The following SEPTIN14 variants were observed in gnomAD, a reference collection of about 807,000 sequenced individuals.
The protein encoded by SEPTIN14 is septin-14.
In SEPTIN14, 40 loss-of-function variants were observed where a neutral mutation model predicts 53.6. That is an observed-to-expected ratio of 0.75 (90% CI 0.58 to 0.97). The LOEUF (loss-of-function observed/expected upper bound fraction) is 0.97. SEPTIN14 is among the 50% of genes least tolerant of loss of function. SEPTIN14 has a pLI of 0.00. For synonymous variants in SEPTIN14, 138 were observed against 166.8 expected (o/e 0.83, Z 1.33); for missense variants, 471 against 508.2 (o/e 0.93, Z 0.70).
At chr7:55,805,678 A>C (rs1169010306) in intron 8 of SEPTIN14, among the ~76,000 whole-genome samples, 2 of 152,202 alleles carry the variant, frequency 1.3e-5, no homozygotes, top group Non-Finnish European at 2.9e-5. Flanking sequence ...AGATGTAAAA[A>C]CCAAGGCACA....
At chr7:55,797,587 C>A (rs1425729821) in intron 9 of SEPTIN14, among the ~76,000 whole-genome samples, 1 of 152,224 alleles carries the variant, frequency 6.6e-6, no homozygotes, top group African/African-American at 2.4e-5. Context: ...GAAGAAATAA[C>A]ATGTTTCCTC....
At chr7:55,811,705 G>T (rs922775649) in intron 7 of SEPTIN14, among the ~76,000 whole-genome samples, 6 of 151,454 alleles carry the variant, frequency 4.0e-5, no homozygotes, top group African/African-American at 1.2e-4. Context: ...CACCATGTTG[G>T]CCAGGCTGGT....
intron 7 of SEPTIN14, among the ~76,000 whole-genome samples, chr7:55,814,822 C>A (rs1788764544): frequency 6.6e-6 from 1 of 152,076 alleles, no homozygotes; most frequent in South Asian, 2.1e-4. Flanking sequence ...GTATATGGAA[C>A]CACAAAAATA....
intron 7 of SEPTIN14, among the ~76,000 whole-genome samples, chr7:55,810,273 G>C (rs1386375699): frequency 1.3e-5 from 2 of 151,798 alleles, no homozygotes; most frequent in East Asian, 3.9e-4. Flanking sequence ...AGAAATGCCT[G>C]TTCAGATCCT....
intron 5 of SEPTIN14, among the ~76,000 whole-genome samples, chr7:55,836,544 G>A (rs928598390): frequency 1.3e-5 from 2 of 152,150 alleles, no homozygotes; most frequent in African/African-American, 2.4e-5. Flanking sequence ...TTCAAGACCA[G>A]CCTGACCAAC....
intron 2 of SEPTIN14, among the ~76,000 whole-genome samples, chr7:55,853,623 C>A (rs750318212): frequency 6.6e-6 from 1 of 151,804 alleles, no homozygotes; most frequent in African/African-American, 2.4e-5. Flanking sequence ...CACAACAGGG[C>A]GACTATAGTC....
At chr7:55,841,621 T>C (rs1789313309) in intron 5 of SEPTIN14, among the ~76,000 whole-genome samples, 2 of 151,988 alleles carry the variant, frequency 1.3e-5, no homozygotes, top group Non-Finnish European at 2.9e-5. Flanking sequence ...TTTGAGAGGC[T>C]GAGGTGGGTG....
At chr7:55,811,953 A>G (rs985876654) in intron 7 of SEPTIN14, among the ~76,000 whole-genome samples, 1 of 151,796 alleles carries the variant, frequency 6.6e-6, no homozygotes, top group African/African-American at 2.4e-5. Flanking sequence ...GCCACCACAC[A>G]TGGCTAAGTT....
intron 9 of SEPTIN14, among the ~76,000 whole-genome samples, chr7:55,803,083 G>T (rs1400590701): frequency 6.6e-6 from 1 of 151,962 alleles, no homozygotes; most frequent in Non-Finnish European, 1.5e-5. Context: ...GACTACAGGC[G>T]TGTGCCACCA....
intron 3 of SEPTIN14, 130 bp downstream of exon 3, chr7:55,846,387 A>C: frequency 1.5e-6 from 1 of 662,184 alleles, no homozygotes; most frequent in South Asian, 2.8e-5. Flanking sequence ...TAATATGGCT[A>C]AGATGAGAAT....
chr7:55,805,046 G>T (rs151336771), intron 9 of SEPTIN14, among the ~76,000 whole-genome samples: 79 of 152,098 alleles, frequency 5.2e-4, no homozygotes, highest in African/African-American at 1.7e-3. Flanking sequence ...TATCTTCAGG[G>T]TTATTTAAAT....
At position 55,793,773 on chromosome 7, in the gene SEPTIN14, T is replaced by C. The variant is rs1788379879; in HGVS notation, c.*2140A>G. 2 of 151,996 alleles carry C rather than the reference T, an allele frequency of 1.3e-5. No individual in the cohort carries two copies. Among genetic ancestry groups the C allele is most frequent in the South Asian group, 2.1e-4 (1 of 4,828 alleles). The allele number at this position is 151,996 out of a possible 1,614,324, so 9.4% of individuals were successfully genotyped here. ...TCCAGGATGTTATATGTAATTTTCA[T>C]AGTAACCAAAAACGAAATCTACATA... On this transcript the variant is annotated 3_prime_UTR_variant, in exon 10 of 10. Transcript: ENST00000388975.
chr7:55,803,968 CAAA>C (rs201874545), intron 9 of SEPTIN14, among the ~76,000 whole-genome samples: 1 of 114,998 alleles, frequency 8.7e-6, no homozygotes. Context: ...ACTAAAAATA[CAAA>C]AAAAAAAAAA....
chr7:55,826,069 T>C (rs905771633), intron 6 of SEPTIN14, among the ~76,000 whole-genome samples: 1 of 150,936 alleles, frequency 6.6e-6, no homozygotes, highest in Non-Finnish European at 1.5e-5. Context: ...GCCACTGCAC[T>C]CCAGCCTGGC....
chr7:55,850,446 G>C (rs890618042), intron 2 of SEPTIN14, among the ~76,000 whole-genome samples: 2 of 152,070 alleles, frequency 1.3e-5, no homozygotes, highest in African/African-American at 4.8e-5. Flanking sequence ...TCCAGCCTGG[G>C]CAACAGAGTG....
chr7:55,849,961 G>A (rs192538021), intron 2 of SEPTIN14, among the ~76,000 whole-genome samples: 2 of 152,132 alleles, frequency 1.3e-5, no homozygotes. Context: ...TTATAAAAAT[G>A]ACACAATGGG....
chr7:55,849,492 T>A (rs1789482251), intron 2 of SEPTIN14, among the ~76,000 whole-genome samples: 1 of 151,850 alleles, frequency 6.6e-6, no homozygotes, highest in Non-Finnish European at 1.5e-5. Flanking sequence ...ATGCCTGTAA[T>A]CCCAGCACTT....
intron 6 of SEPTIN14, among the ~76,000 whole-genome samples, chr7:55,821,636 T>A (rs932090710): frequency 7.0e-6 from 1 of 143,546 alleles, no homozygotes; most frequent in Admixed American, 7.0e-5. Flanking sequence ...AAATACAGAG[T>A]CCAGGGTTAA....
At chr7:55,845,517 T>C (rs1027474264) in intron 3 of SEPTIN14, among the ~76,000 whole-genome samples, 35 of 152,156 alleles carry the variant, frequency 2.3e-4, no homozygotes, top group African/African-American at 8.4e-4. Flanking sequence ...ATGTATTGTA[T>C]ATTTCAAAAT....
Sources: allele counts gnomAD v4.1 joint callset (sites outside exome capture counted in the v4.1 genomes callset), GRCh38; gene constraint gnomAD v4.1.1; transcripts MANE v1.5; gene names NCBI Gene and HGNC (gene_info 2026-07-23, HGNC 2026-07-21).